AGBL1: variants seen among roughly 807,000 people sequenced by gnomAD.
The protein encoded by AGBL1 is AGBL carboxypeptidase 1.
Under a neutral mutation model 118.9 loss-of-function variants are expected in AGBL1, and 130 were observed. That is an observed-to-expected ratio of 1.09 (90% CI 0.95 to 1.26). The LOEUF is 1.26. AGBL1 is among the 50% of genes most tolerant of loss of function. The pLI is 0.00. For missense variants in AGBL1, 1,584 were observed against 1,298.1 expected (o/e 1.22, Z -3.38); for synonymous variants, 555 against 478.9 (o/e 1.16, Z -2.08).
intron 23 of AGBL1, among the ~76,000 whole-genome samples, chr15:86,984,840 T>C (rs926986419): frequency 2.0e-5 from 3 of 152,174 alleles, no homozygotes; most frequent in Admixed American, 2.0e-4. Context: ...GACAGACACA[T>C]ACACTTGTTA....
chr15:86,381,695 C>G (rs138054502), intron 17 of AGBL1, among the ~76,000 whole-genome samples: 5 of 152,250 alleles, frequency 3.3e-5, no homozygotes, highest in African/African-American at 9.6e-5. Flanking sequence ...TGAAACACGA[C>G]GTAACCAGAA....
intron 22 of AGBL1, among the ~76,000 whole-genome samples, chr15:86,824,042 A>C (rs373687955): frequency 1.3e-5 from 2 of 152,100 alleles, no homozygotes; most frequent in Non-Finnish European, 2.9e-5. Context: ...CACTCTCACC[A>C]TTACTATTCA....
chr15:86,174,503 A>T (rs1355276371), intron 5 of AGBL1, among the ~76,000 whole-genome samples: 2 of 152,110 alleles, frequency 1.3e-5, no homozygotes, highest in African/African-American at 2.4e-5. Context: ...ATGAATAGTG[A>T]TAGTGGGCAT....
rs950347993 is a variant in AGBL1, at chr15:86,521,553, G to C, written c.2556-1257G>C. 4.6e-5 allele frequency among the ~76,000 whole-genome samples: 7 copies of C among 152,142 alleles called. 1 individual carries two copies. Among genetic ancestry groups the C allele is most frequent in the African/African-American group, 1.7e-4 (7 of 41,428 alleles). ...CCTCAGGATGTTATTGCAGCAAATA[G>C]GAGATAGATGCAATGGCCTGGAAAA... On this transcript the variant is annotated intron_variant, in intron 18 of 22. Transcript: ENST00000614907.
At chr15:86,594,805 T>G (rs986256437) in intron 21 of AGBL1, among the ~76,000 whole-genome samples, 1 of 152,198 alleles carries the variant, frequency 6.6e-6, no homozygotes, top group African/African-American at 2.4e-5. Flanking sequence ...TATACACACA[T>G]GACTATTTAT....
intron 22 of AGBL1, among the ~76,000 whole-genome samples, chr15:86,790,003 T>C (rs1217856941): frequency 1.3e-5 from 2 of 152,210 alleles, no homozygotes; most frequent in Non-Finnish European, 2.9e-5. Flanking sequence ...TCTTATCTGA[T>C]TTCTTAAAAC....
chr15:86,721,392 C>T (rs1003050970), intron 22 of AGBL1, among the ~76,000 whole-genome samples: 29 of 152,114 alleles, frequency 1.9e-4, no homozygotes, highest in Non-Finnish European at 4.0e-4. Flanking sequence ...GAACCAAAGA[C>T]AAAAACCATA....
intron 17 of AGBL1, among the ~76,000 whole-genome samples, chr15:86,380,094 A>T (rs923700825): frequency 6.6e-6 from 1 of 151,996 alleles, no homozygotes; most frequent in Non-Finnish European, 1.5e-5. Context: ...GTATTAAATG[A>T]CTTCCCGGGG....
chr15:86,733,508 T>C (rs746906444), intron 22 of AGBL1, among the ~76,000 whole-genome samples: 13 of 152,174 alleles, frequency 8.5e-5, no homozygotes, highest in Non-Finnish European at 1.6e-4. Flanking sequence ...AAATTAACTG[T>C]CCCAGATGAG....
intron 22 of AGBL1, among the ~76,000 whole-genome samples, chr15:86,875,934 T>C (rs572347402): frequency 2.0e-5 from 3 of 152,178 alleles, no homozygotes; most frequent in Non-Finnish European, 4.4e-5. Context: ...GTAATCCATA[T>C]GGACTAGCAG....
intron 18 of AGBL1, among the ~76,000 whole-genome samples, chr15:86,509,764 C>T (rs967399234): frequency 6.6e-6 from 1 of 152,006 alleles, no homozygotes; most frequent in African/African-American, 2.4e-5. Context: ...CTTTTGCATG[C>T]CTTTACCTAG....
intron 23 of AGBL1, among the ~76,000 whole-genome samples, chr15:86,970,053 A>G (rs1222341150): frequency 6.6e-6 from 1 of 151,882 alleles, no homozygotes; most frequent in Non-Finnish European, 1.5e-5. Flanking sequence ...AAGCAAAATA[A>G]GACTAAAAGG....
chr15:86,197,801 G>C (rs948938252), intron 5 of AGBL1, among the ~76,000 whole-genome samples: 23 of 152,054 alleles, frequency 1.5e-4, no homozygotes, highest in African/African-American at 5.3e-4. Flanking sequence ...GAAGGGAATA[G>C]AGCAAAAGGA....
chr15:86,793,203 A>T (rs2078520668), intron 22 of AGBL1, among the ~76,000 whole-genome samples: 1 of 152,198 alleles, frequency 6.6e-6, no homozygotes, highest in African/African-American at 2.4e-5. Flanking sequence ...CCCAATACAC[A>T]TACTTTAGAT....
In AGBL1 at chr15:86,454,022, A is replaced by G. The variant is rs367729579; in HGVS notation, c.2555+56476A>G. On this transcript the variant is annotated intron_variant, in intron 18 of 22. Transcript: ENST00000614907. The stretch of plus-strand genomic sequence containing the variant: ...TTTTTACTCTTTCTTGTTTTCCTCA[A>G]TTGCCCTCACCCATCTGTGTGACTT... 5.5e-4 allele frequency among the ~76,000 whole-genome samples: 84 copies of G among 152,072 alleles called. 1 individual carries two copies. The highest frequency in any genetic ancestry group is 1.9e-3 in the African/African-American group (79 of 41,488).
intron 5 of AGBL1, 24 bp from the exon 6 acceptor site, chr15:86,224,890 T>C: frequency 2.5e-6 from 4 of 1,612,514 alleles, no homozygotes; most frequent in Admixed American, 1.7e-5. Flanking sequence ...ATGTTGACTG[T>C]TACTTTTCTT....
chr15:86,729,187 G>C (rs1410477238), intron 22 of AGBL1, among the ~76,000 whole-genome samples: 1 of 152,144 alleles, frequency 6.6e-6, no homozygotes, highest in Non-Finnish European at 1.5e-5. Context: ...GAGAACAATA[G>C]TGATTTTCAA....
chr15:86,923,926 G>A (rs1410100451), intron 23 of AGBL1, among the ~76,000 whole-genome samples: 1 of 152,090 alleles, frequency 6.6e-6, no homozygotes, highest in African/African-American at 2.4e-5. Flanking sequence ...TTCCCATGAG[G>A]CCATGATATC....
chr15:86,791,360 C>G (rs899995134), intron 22 of AGBL1, among the ~76,000 whole-genome samples: 1 of 152,162 alleles, frequency 6.6e-6, no homozygotes, highest in African/African-American at 2.4e-5. Context: ...TGAGTTTTCA[C>G]TTTTGCCTGT....
Sources: gnomAD v4.1 joint callset for allele counts (sites outside exome capture counted in the v4.1 genomes callset) on GRCh38, gnomAD v4.1.1 for gene constraint, MANE v1.5 for transcripts, NCBI Gene and HGNC (gene_info 2026-07-23, HGNC 2026-07-21) for gene names.